The following NRG1 variants were observed in gnomAD, a reference collection of about 807,000 sequenced individuals.
NRG1 encodes pro-neuregulin-1, membrane-bound isoform.
A neutral mutation model predicts 63.8 loss-of-function variants in NRG1; 18 were observed. That is an observed-to-expected ratio of 0.28 (90% CI 0.19 to 0.42). The LOEUF (loss-of-function observed/expected upper bound fraction) is 0.42. Among genes scored for constraint, NRG1 ranks in the 10% least tolerant of loss-of-function variants. NRG1 has a pLI of 1.00. For synonymous variants in NRG1, 302 were observed against 301.3 expected (o/e 1.00, Z -0.02); for missense variants, 762 against 814.7 (o/e 0.94, Z 0.79).
At chr8:32,069,012 C>A (rs1430422504) in intron 1 of NRG1, among the ~76,000 whole-genome samples, 1 of 152,106 alleles carries the variant, frequency 6.6e-6, no homozygotes, top group Non-Finnish European at 1.5e-5. Flanking sequence ...GGATGGCAAT[C>A]ATGAGGAATG....
chr8:32,514,167 G>A (rs1829541922), intron 1 of NRG1, among the ~76,000 whole-genome samples: 2 of 152,020 alleles, frequency 1.3e-5, no homozygotes, highest in Non-Finnish European at 2.9e-5. Context: ...AAAAATTGTT[G>A]TAAACTTAGC....
chr8:31,919,438 A>T (rs1833711085), intron 1 of NRG1, among the ~76,000 whole-genome samples: 1 of 151,714 alleles, frequency 6.6e-6, no homozygotes. Flanking sequence ...TATTAAATCC[A>T]AAAGACAACT....
At chr8:31,832,335 T>C (rs1325669098) in intron 1 of NRG1, among the ~76,000 whole-genome samples, 1 of 150,082 alleles carries the variant, frequency 6.7e-6, no homozygotes, top group East Asian at 2.1e-4. Context: ...CATGGCTCAC[T>C]GCAACCTCCA....
At chr8:31,811,426 T>C (rs1245238278) in intron 1 of NRG1, among the ~76,000 whole-genome samples, 1 of 152,246 alleles carries the variant, frequency 6.6e-6, no homozygotes, top group Non-Finnish European at 1.5e-5. Context: ...TCTGATCTGA[T>C]AGTTAAAATT....
intron 1 of NRG1, among the ~76,000 whole-genome samples, chr8:31,789,248 T>A (rs939314038): frequency 2.0e-5 from 3 of 152,184 alleles, no homozygotes; most frequent in Non-Finnish European, 4.4e-5. Flanking sequence ...TTGACCTCAT[T>A]GGAGAAAAAA....
intron 1 of NRG1, among the ~76,000 whole-genome samples, chr8:32,317,882 G>A (rs1383651717): frequency 2.0e-5 from 3 of 152,162 alleles, no homozygotes; most frequent in Non-Finnish European, 4.4e-5. Context: ...TGAAGCAGTA[G>A]AGGGTGCTAT....
chr8:32,225,055 G>A (rs963095020), intron 1 of NRG1, among the ~76,000 whole-genome samples: 1 of 152,126 alleles, frequency 6.6e-6, no homozygotes, highest in Non-Finnish European at 1.5e-5. Flanking sequence ...AAACAATAGG[G>A]ATTTTTCCAA....
At chr8:32,062,402 G>T (rs1824038547) in intron 1 of NRG1, among the ~76,000 whole-genome samples, 1 of 152,028 alleles carries the variant, frequency 6.6e-6, no homozygotes, top group African/African-American at 2.4e-5. Context: ...GAGTTGGGGG[G>T]AACTAGTTTT....
chr8:32,320,915 A>T (rs1344972881), intron 1 of NRG1, among the ~76,000 whole-genome samples: 4 of 152,292 alleles, frequency 2.6e-5, no homozygotes. Flanking sequence ...CAGATTGGTG[A>T]TATATTGCTA....
At chr8:32,366,221 A>G (rs886295092) in intron 1 of NRG1, among the ~76,000 whole-genome samples, 3 of 152,056 alleles carry the variant, frequency 2.0e-5, no homozygotes, top group Non-Finnish European at 4.4e-5. Flanking sequence ...AATCTCTCCT[A>G]GATGTTTTGA....
At chr8:31,747,654 C>G (rs1816026707) in intron 1 of NRG1, among the ~76,000 whole-genome samples, 1 of 151,910 alleles carries the variant, frequency 6.6e-6, no homozygotes, top group Non-Finnish European at 1.5e-5. Context: ...CTCCCTGCCT[C>G]CACTTTGTTT....
At chr8:32,019,993 T>C (rs1816175723) in intron 1 of NRG1, among the ~76,000 whole-genome samples, 1 of 152,176 alleles carries the variant, frequency 6.6e-6, no homozygotes, top group Admixed American at 6.5e-5. Flanking sequence ...TTAAATAAAT[T>C]TGGAATCAGA....
At chr8:32,548,123 C>T, upstream of NRG1, 1 of 762,616 alleles carries the variant, frequency 1.3e-6, no homozygotes, top group Non-Finnish European at 1.6e-6. Context: ...GGAAAAGGGG[C>T]TGCGCCCGGG....
At chr8:31,868,195 A>ACAG (rs1554558537) in intron 1 of NRG1, among the ~76,000 whole-genome samples, 5 of 140,398 alleles carry the variant, frequency 3.6e-5, no homozygotes, top group African/African-American at 1.4e-4. Context: ...CACACACACA[A>ACAG]ATAAGCCCTG....
intron 1 of NRG1, among the ~76,000 whole-genome samples, chr8:32,120,977 C>T (rs1040228532): frequency 3.9e-5 from 6 of 151,982 alleles, no homozygotes; most frequent in Middle Eastern, 3.2e-3. Flanking sequence ...ACACCCACTT[C>T]GCCTGCTGAG....
At chr8:32,481,570 G>T (rs764487593) in intron 1 of NRG1, among the ~76,000 whole-genome samples, 6 of 152,182 alleles carry the variant, frequency 3.9e-5, no homozygotes, top group Non-Finnish European at 8.8e-5. Flanking sequence ...TACATTTATG[G>T]ACCTAATGGT....
At chr8:32,428,776 G>T (rs1817746545) in intron 1 of NRG1, among the ~76,000 whole-genome samples, 1 of 152,168 alleles carries the variant, frequency 6.6e-6, no homozygotes, top group Non-Finnish European at 1.5e-5. Flanking sequence ...CAAAAGTAAT[G>T]GATTGTTCCA....
intron 1 of NRG1, among the ~76,000 whole-genome samples, chr8:32,193,793 T>C (rs1217547409): frequency 6.6e-6 from 1 of 152,156 alleles, no homozygotes; most frequent in Non-Finnish European, 1.5e-5. Context: ...ATGACTGGTA[T>C]TTTTATAGAA....
chr8:31,979,093 A>C, intron 1 of NRG1, among the ~76,000 whole-genome samples: 1 of 152,170 alleles, frequency 6.6e-6, no homozygotes, highest in Non-Finnish European at 1.5e-5. Flanking sequence ...CTTCTGTCTT[A>C]TACCTGCTGA....
Sources: gnomAD v4.1 joint callset for allele counts (sites outside exome capture counted in the v4.1 genomes callset) on GRCh38, gnomAD v4.1.1 for gene constraint, MANE v1.5 for transcripts, NCBI Gene and HGNC (gene_info 2026-07-23, HGNC 2026-07-21) for gene names.